The following IPO11 variants were observed in gnomAD, a reference collection of about 807,000 sequenced individuals.
The protein encoded by IPO11 is importin-11.
IPO11 carries 66 observed loss-of-function variants against 143.2 expected under a neutral mutation model. That is an observed-to-expected ratio of 0.46 (90% CI 0.38 to 0.57). IPO11 has a LOEUF of 0.57. Among genes scored for constraint, IPO11 ranks in the 20% least tolerant of loss-of-function variants. The pLI, the probability that IPO11 is intolerant of heterozygous loss-of-function variation, is 0.00. For synonymous variants in IPO11, 385 were observed against 377.8 expected, an observed-to-expected ratio of 1.02 and a Z score of -0.22; for missense variants, 1,026 against 1,141.0, an observed-to-expected ratio of 0.90 and a Z score of 1.45.
intron 19 of IPO11, chr5:62,512,400 A>T (rs201401264): frequency 0.049 from 64,943 of 1,315,246 alleles, 484 homozygotes; most frequent in Non-Finnish European, 0.058. Context: ...CAGCTTGGCT[A>T]TGTCCTTGGG....
chr5:62,519,051 G>A (rs1169850513), intron 20 of IPO11, among the ~76,000 whole-genome samples: 2 of 152,088 alleles, frequency 1.3e-5, no homozygotes, highest in Admixed American at 6.6e-5. Flanking sequence ...GGTGAGGCGG[G>A]GCACATTAGG....
At chr5:62,599,448 G>A (rs72752610) in intron 28 of IPO11, among the ~76,000 whole-genome samples, 2,448 of 152,300 alleles carry the variant, frequency 0.016, 20 homozygotes, top group Middle Eastern at 0.065. Flanking sequence ...AGCGCTCAAT[G>A]AATGTTTGTA....
chr5:62,607,919 C>T (rs550912175), intron 29 of IPO11, among the ~76,000 whole-genome samples: 13 of 152,032 alleles, frequency 8.6e-5, no homozygotes, highest in East Asian at 3.9e-4. Context: ...CGGGTTCAAG[C>T]GATTCTCCTG....
Position 62,504,907 on chromosome 5 carries a change from A to G in IPO11, c.1665+9A>G, listed in dbSNP as rs895220184. The G allele has an allele frequency of 1.3e-6, 2 of 1,496,414 alleles. No homozygotes were observed. The highest frequency in any genetic ancestry group is 2.8e-5 in the African/African-American group (2 of 71,108). The allele number at this position is 1,496,414 out of a possible 1,614,324, so 92.7% of individuals were successfully genotyped here. ...CAGATCAGTTTCTACCGGTAAGAAT[A>G]TACATTTCCAGGTATTTTTTTTAAA... is the stretch of plus-strand genomic sequence containing the variant. On this transcript the variant is annotated intron_variant, in intron 18 of 29. Coordinates refer to ENST00000325324, the MANE Select transcript of IPO11 (RefSeq NM_016338.5).
At chr5:62,474,788 T>C (rs1320006474) in intron 8 of IPO11, among the ~76,000 whole-genome samples, 1 of 152,158 alleles carries the variant, frequency 6.6e-6, no homozygotes, top group Non-Finnish European at 1.5e-5. Context: ...AAACCACAGA[T>C]AGTACCAAAC....
intron 24 of IPO11, among the ~76,000 whole-genome samples, chr5:62,537,930 C>T (rs1041422977): frequency 6.6e-6 from 1 of 151,848 alleles, no homozygotes; most frequent in African/African-American, 2.4e-5. Flanking sequence ...TAAAAGTACC[C>T]CTATTTGGGT....
chr5:62,472,715 G>A (rs1745825370), intron 7 of IPO11, among the ~76,000 whole-genome samples: 1 of 151,986 alleles, frequency 6.6e-6, no homozygotes, highest in Non-Finnish European at 1.5e-5. Flanking sequence ...TTTTGGTAGA[G>A]ACGGGGTTTC....
intron 22 of IPO11, among the ~76,000 whole-genome samples, chr5:62,536,099 A>C (rs1225251803): frequency 6.6e-6 from 1 of 152,190 alleles, no homozygotes; most frequent in Non-Finnish European, 1.5e-5. Context: ...TAAACATAAT[A>C]TAATTTTTTT....
intron 16 of IPO11, among the ~76,000 whole-genome samples, chr5:62,495,348 C>T (rs1741097888): frequency 1.3e-5 from 2 of 151,966 alleles, no homozygotes; most frequent in Admixed American, 6.6e-5. Flanking sequence ...TTTTTGCTTT[C>T]CTAGTTGGAA....
At chr5:62,485,170 C>G (rs540438477) in intron 11 of IPO11, among the ~76,000 whole-genome samples, 11 of 152,042 alleles carry the variant, frequency 7.2e-5, no homozygotes, top group African/African-American at 2.7e-4. Context: ...AGCTTTTTTC[C>G]ATAAAGAATT....
At chr5:62,481,755 T>G (rs183442526) in intron 9 of IPO11, among the ~76,000 whole-genome samples, 168 of 152,316 alleles carry the variant, frequency 1.1e-3, no homozygotes, top group African/African-American at 3.8e-3. Flanking sequence ...GGTCTCTTTT[T>G]TTGTTGTATC....
intron 24 of IPO11, among the ~76,000 whole-genome samples, chr5:62,537,655 G>T (rs191633672): frequency 2.6e-4 from 39 of 152,178 alleles, no homozygotes; most frequent in African/African-American, 8.7e-4. Context: ...CTTTCATTTT[G>T]TTAGTCTGCT....
At chr5:62,491,583 A>G (rs1259097553) in intron 15 of IPO11, among the ~76,000 whole-genome samples, 1 of 152,184 alleles carries the variant, frequency 6.6e-6, no homozygotes, top group East Asian at 1.9e-4. Flanking sequence ...TTAAATTTAA[A>G]ATTTAAAGCC....
At chr5:62,438,308 A>G (rs1744312534) in intron 2 of IPO11, among the ~76,000 whole-genome samples, 1 of 152,226 alleles carries the variant, frequency 6.6e-6, no homozygotes, top group Non-Finnish European at 1.5e-5. Context: ...GTTATCCTGA[A>G]TATAACAAAA....
chr5:62,598,381 TTGCTTGCTTG>T lies in IPO11; in HGVS notation c.2679-3382_2679-3373del, dbSNP rs1745307472. Among the ~76,000 whole-genome samples the T allele has an allele frequency of 2.6e-4, 12 of 45,304 alleles. 1 individual carries two copies. The highest frequency in any genetic ancestry group is 4.8e-4 in the Non-Finnish European group (11 of 22,776). The allele number at this position is 45,304 out of a possible 152,430, so 29.7% of individuals were successfully genotyped here. ...GTGAAACGACCCATAAATTGTTTGCTTGCTTGCTTGCTTTCTTTCTTTCTTTCTTTCTTTC... is the reference window on the plus strand; with the variant it reads ...GTGAAACGACCCATAAATTGTTTGCTCTTTCTTTCTTTCTTTCTTTCTTTC... On this transcript the variant is annotated intron_variant, in intron 28 of 29. Transcript: ENST00000325324.
intron 28 of IPO11, among the ~76,000 whole-genome samples, chr5:62,597,088 A>T (rs1745256180): frequency 6.6e-6 from 1 of 152,170 alleles, no homozygotes; most frequent in African/African-American, 2.4e-5. Flanking sequence ...GCTTATATTC[A>T]GTCTAGTGAC....
intron 27 of IPO11, among the ~76,000 whole-genome samples, chr5:62,585,836 G>T (rs1009220725): frequency 1.3e-5 from 2 of 152,158 alleles, no homozygotes; most frequent in African/African-American, 4.8e-5. Context: ...AGATAAATTT[G>T]ACAGAATTTG....
chr5:62,585,739 C>T (rs1002131137), intron 27 of IPO11, among the ~76,000 whole-genome samples: 4 of 151,742 alleles, frequency 2.6e-5, no homozygotes, highest in African/African-American at 7.3e-5. Flanking sequence ...GAAAGGTAGG[C>T]AGTAGTTTAA....
intron 7 of IPO11, among the ~76,000 whole-genome samples, chr5:62,472,589 G>A (rs565031868): frequency 1.3e-5 from 2 of 149,330 alleles, no homozygotes; most frequent in East Asian, 2.0e-4. Context: ...GTGCAATGGC[G>A]TGATCTCGGC....
Sources: allele counts gnomAD v4.1 joint callset (sites outside exome capture counted in the v4.1 genomes callset), GRCh38; gene constraint gnomAD v4.1.1; transcripts MANE v1.5; gene names NCBI Gene and HGNC (gene_info 2026-07-23, HGNC 2026-07-21).